ELP4: variants seen among roughly 807,000 people sequenced by gnomAD.
ELP4 encodes elongator acetyltransferase complex subunit 4, also known as elongator complex protein 4.
In ELP4, 51 loss-of-function variants were observed where a neutral mutation model predicts 48.9. The ratio of observed to expected loss-of-function variants is 1.04; its 90% CI spans 0.83 to 1.32. ELP4 has a LOEUF of 1.32. Among genes scored for constraint, ELP4 ranks in the 40% most tolerant of loss-of-function variants. The pLI, the probability that ELP4 is intolerant of heterozygous loss-of-function variation, is 0.00. For missense variants in ELP4, 519 were observed against 514.6 expected (o/e 1.01, Z -0.08); for synonymous variants, 210 against 189.2 (o/e 1.11, Z -0.90).
At chr11:31,562,351 T>C (rs962936988) in intron 3 of ELP4, among the ~76,000 whole-genome samples, 17 of 152,206 alleles carry the variant, frequency 1.1e-4, no homozygotes, top group African/African-American at 4.1e-4. Context: ...TTTTTTCATG[T>C]TATCCTCCTC....
At chr11:31,693,274 C>T (rs1038599297) in intron 9 of ELP4, among the ~76,000 whole-genome samples, 1 of 152,052 alleles carries the variant, frequency 6.6e-6, no homozygotes, top group Admixed American at 6.6e-5. Flanking sequence ...TCGTCATTTA[C>T]ATTAGGTATA....
chr11:31,648,061 CA>C, intron 8 of ELP4: 1 of 376,136 alleles, frequency 2.7e-6, no homozygotes, highest in Non-Finnish European at 4.9e-6. Context: ...GAGTCAAACC[CA>C]AGTACTGAGG....
intron 9 of ELP4, among the ~76,000 whole-genome samples, chr11:31,745,321 T>A (rs1480928732): frequency 6.6e-6 from 1 of 151,778 alleles, no homozygotes; most frequent in Non-Finnish European, 1.5e-5. Context: ...CTGCCCAAGG[T>A]AATTTATAGA....
intron 2 of ELP4, among the ~76,000 whole-genome samples, chr11:31,534,401 C>T (rs1956466239): frequency 6.6e-6 from 1 of 151,972 alleles, no homozygotes; most frequent in South Asian, 2.1e-4. Context: ...TGGGTTTCAT[C>T]TTGGGCATGT....
intron 9 of ELP4, among the ~76,000 whole-genome samples, chr11:31,748,243 CT>C (rs374889218): frequency 0.021 from 2,774 of 130,510 alleles, 16 homozygotes; most frequent in Middle Eastern, 0.062. Flanking sequence ...AAACCAAGAT[CT>C]TTTTTTTTTT....
At chr11:31,562,493 A>G (rs915126941) in intron 3 of ELP4, among the ~76,000 whole-genome samples, 2 of 152,156 alleles carry the variant, frequency 1.3e-5, no homozygotes, top group African/African-American at 4.8e-5. Context: ...TCCTTATCCC[A>G]CTGGTTTCCT....
At chr11:31,548,767 G>C (rs1335317425) in intron 3 of ELP4, among the ~76,000 whole-genome samples, 3 of 152,168 alleles carry the variant, frequency 2.0e-5, no homozygotes, top group African/African-American at 7.2e-5. Flanking sequence ...AAAACAGCAT[G>C]GTACTGGTAC....
chr11:31,745,893 G>A (rs1592275501), intron 9 of ELP4, among the ~76,000 whole-genome samples: 1 of 152,110 alleles, frequency 6.6e-6, no homozygotes, highest in South Asian at 2.1e-4. Context: ...TGACAAATGG[G>A]ATCTAATTAA....
At chr11:31,617,215 G>A (rs72892583) in intron 5 of ELP4, among the ~76,000 whole-genome samples, 10,085 of 152,092 alleles carry the variant, frequency 0.066, 487 homozygotes, top group Non-Finnish European at 0.1. Context: ...ATAATGAAAT[G>A]TTATTTAGCC....
chr11:31,772,579 A>T (rs1401726954), intron 9 of ELP4, among the ~76,000 whole-genome samples: 1 of 152,166 alleles, frequency 6.6e-6, no homozygotes, highest in Non-Finnish European at 1.5e-5. Context: ...TGCTTAGAAA[A>T]GTTCTGGCAC....
chr11:31,686,879 AAAT>A (rs1387059813), intron 9 of ELP4, among the ~76,000 whole-genome samples: 3 of 151,754 alleles, frequency 2.0e-5, no homozygotes, highest in Non-Finnish European at 4.4e-5. Context: ...AAAAAAAAAA[AAAT>A]CACTCTGGCA....
At chr11:31,550,928 C>G (rs1306477154) in intron 3 of ELP4, among the ~76,000 whole-genome samples, 1 of 152,182 alleles carries the variant, frequency 6.6e-6, no homozygotes, top group East Asian at 1.9e-4. Flanking sequence ...CACTTCATCA[C>G]TTCGACTTGC....
rs539708929 is a variant in ELP4 at position 31,693,988 on chromosome 11, C to T, written c.1143+43767C>T. Among the ~76,000 whole-genome samples the T allele has an allele frequency of 3.1e-3, 475 of 152,170 alleles. 2 individuals carry two copies. Among genetic ancestry groups the T allele is most frequent in the Non-Finnish European group, 5.1e-3 (349 of 68,004 alleles). On this transcript the variant is annotated intron_variant, in intron 9 of 9. Transcript: ENST00000640961. ...TTGAGAAGTGTCTGTTCAGATCCTT[C>T]GCCCACTTTTTGATGGGGTTGTTTG...
intron 9 of ELP4, among the ~76,000 whole-genome samples, chr11:31,711,872 A>G (rs1016443150): frequency 1.3e-5 from 2 of 152,152 alleles, no homozygotes; most frequent in Non-Finnish European, 2.9e-5. Context: ...TGCCATATTA[A>G]TGATGCAGCT....
At chr11:31,553,006 T>A (rs1325873213) in intron 3 of ELP4, among the ~76,000 whole-genome samples, 1 of 152,162 alleles carries the variant, frequency 6.6e-6, no homozygotes, top group Non-Finnish European at 1.5e-5. Flanking sequence ...AATGTTGCCA[T>A]CTCAGCAGGG....
intron 7 of ELP4, chr11:31,646,742 A>G (rs1158128029): frequency 1.3e-5 from 2 of 151,690 alleles, no homozygotes; most frequent in Non-Finnish European, 2.9e-5. Flanking sequence ...AAATTTTACA[A>G]AAAACATTTT....
At chr11:31,766,635 A>G (rs1948047927) in intron 9 of ELP4, among the ~76,000 whole-genome samples, 1 of 152,106 alleles carries the variant, frequency 6.6e-6, no homozygotes. Context: ...GACTGTTGAA[A>G]TATACAAGAC....
chr11:31,527,002 A>G (rs1383101440), intron 2 of ELP4, among the ~76,000 whole-genome samples: 2 of 152,066 alleles, frequency 1.3e-5, no homozygotes, highest in African/African-American at 2.4e-5. Flanking sequence ...TCATTCATCA[A>G]TCTACCTCAA....
intron 5 of ELP4, among the ~76,000 whole-genome samples, chr11:31,610,200 G>A (rs952492813): frequency 6.6e-6 from 1 of 152,156 alleles, no homozygotes; most frequent in African/African-American, 2.4e-5. Flanking sequence ...CAGAACTGAT[G>A]GAAAGGCATC....
Sources: gnomAD v4.1 joint callset for allele counts (sites outside exome capture counted in the v4.1 genomes callset) on GRCh38, gnomAD v4.1.1 for gene constraint, MANE v1.5 for transcripts, NCBI Gene and HGNC (gene_info 2026-07-23, HGNC 2026-07-21) for gene names.